The following ZDHHC3 variants were observed in gnomAD, a reference collection of about 807,000 sequenced individuals.
The protein encoded by ZDHHC3 is palmitoyltransferase ZDHHC3.
In ZDHHC3, 9 loss-of-function variants were observed where a neutral mutation model predicts 30.6. The ratio of observed to expected loss-of-function variants is 0.29; its 90% CI spans 0.18 to 0.51. The LOEUF (loss-of-function observed/expected upper bound fraction) is 0.51, where lower values mean the gene tolerates loss of function less well. Among genes scored for constraint, ZDHHC3 ranks in the 20% least tolerant of loss-of-function variants. The pLI is 0.97. For missense variants in ZDHHC3, 246 were observed against 384.2 expected (o/e 0.64, Z 3.01); for synonymous variants, 136 against 140.2 (o/e 0.97, Z 0.21).
rs182861729 is a variant in ZDHHC3 at position 44,933,879 on chromosome 3, C to T, written c.528+9G>A. 2.5e-5 allele frequency: 41 copies of T among 1,613,964 alleles called. No homozygotes were observed. The East Asian group carries it at 9.1e-4, about 36-fold the overall frequency. ...TGGGGGGCAGGGCAGAATTTGCAAG[C>T]TGACTTACTGTAAACAGGACGAAGT... On this transcript the variant is annotated intron_variant, in intron 4 of 6. Coordinates refer to ENST00000424952, the MANE Select transcript of ZDHHC3 (RefSeq NM_001135179.2).
rs1183083034 is a variant in ZDHHC3 at position 44,924,742 on chromosome 3, T to C, written c.*1947A>G. The C allele has an allele frequency of 1.0e-6, 1 of 985,330 alleles. No homozygotes were observed. The highest frequency in any genetic ancestry group is 1.7e-5 in the African/African-American group (1 of 57,240). 61.0% of individuals were successfully genotyped at this position (985,330 alleles called of 1,614,324 possible). ...TCTAGTTATTTAATACAATAACACT[T>C]CTTTCATACACCTAACTGAGCTGTA... is the stretch of plus-strand genomic sequence containing the variant. On this transcript the variant is annotated 3_prime_UTR_variant, in exon 7 of 7. Coordinates refer to ENST00000424952, the MANE Select transcript of ZDHHC3 (RefSeq NM_001135179.2).
In ZDHHC3 at chr3:44,965,021, A is replaced by T. The variant is rs145150847; in HGVS notation, c.-24-5561T>A. On this transcript the variant is annotated intron_variant, in intron 1 of 6. Coordinates refer to ENST00000424952, the MANE Select transcript of ZDHHC3 (RefSeq NM_001135179.2). ...AGGGGAAACGGATCCACAGGCCCAG[A>T]GGTGTTCTGGAGCTCCCTAGTGCCA... Among the ~76,000 whole-genome samples, 47 of 152,198 alleles carry T rather than the reference A, an allele frequency of 3.1e-4. No homozygotes were observed. In the East Asian group the frequency reaches 8.3e-3, roughly 27 times the overall value.
Position 44,919,911 on chromosome 3 carries a change from T to G in ZDHHC3, c.*6778A>C. ...TACAAACTTGAACACTGAATTATAA[T>G]AATGCAAAGCTGGAAATGAGAAATG... On this transcript the variant is annotated 3_prime_UTR_variant, in exon 7 of 7. Coordinates refer to ENST00000424952, the MANE Select transcript of ZDHHC3 (RefSeq NM_001135179.2). 1 of 1,044,052 alleles carries G rather than the reference T, an allele frequency of 9.6e-7. No homozygotes were observed. The highest frequency in any genetic ancestry group is 4.8e-4 in the Middle Eastern group (1 of 2,088). 64.7% of individuals were successfully genotyped at this position (1,044,052 alleles called of 1,614,324 possible).
intron 2 of ZDHHC3, among the ~76,000 whole-genome samples, chr3:44,954,414 G>C (rs1180731124): frequency 1.3e-5 from 2 of 152,206 alleles, no homozygotes; most frequent in Non-Finnish European, 2.9e-5. Context: ...ATTCAGTACA[G>C]TAACACGTTG....
chr3:44,928,284 G>C (rs1201073536), intron 6 of ZDHHC3, among the ~76,000 whole-genome samples: 3 of 152,196 alleles, frequency 2.0e-5, no homozygotes, highest in Non-Finnish European at 4.4e-5. Flanking sequence ...CCGAATAATG[G>C]TGCTCTGGCA....
At chr3:44,964,546 A>C (rs1704766342) in intron 1 of ZDHHC3, among the ~76,000 whole-genome samples, 1 of 152,204 alleles carries the variant, frequency 6.6e-6, no homozygotes, top group African/African-American at 2.4e-5. Flanking sequence ...CTTCATAATG[A>C]GATGGGATTT....
chr3:44,923,775 C>T lies in ZDHHC3; in HGVS notation c.*2914G>A, dbSNP rs1030240245. 3.1e-6 allele frequency: 3 copies of T among 981,494 alleles called. No individual in the cohort carries two copies. The African/African-American group carries it at 5.3e-5, about 17-fold the overall frequency. 60.8% of individuals were successfully genotyped at this position (981,494 alleles called of 1,614,324 possible). On this transcript the variant is annotated 3_prime_UTR_variant, in exon 7 of 7. Transcript: ENST00000424952. ...CTCTAATTGTGCCACTGCATTCCAG[C>T]CTGGGTGACAGAGCAAGACCTTGTC...
Position 44,929,301 on chromosome 3 carries a change from C to T in ZDHHC3, c.741+5G>A, listed in dbSNP as rs1341716099. 2 of 1,613,472 alleles carry T rather than the reference C, an allele frequency of 1.2e-6. No individual in the cohort carries two copies. Among genetic ancestry groups the T allele is most frequent in the Non-Finnish European group, 1.7e-6 (2 of 1,179,736 alleles). ...TGGAAATGGTGGGCAGAGCCACCTG[C>T]TTACCGTCTCATCTGTGCAGATGGA... On this transcript the variant is annotated splice_donor_5th_base_variant and intron_variant, in intron 6 of 6. Coordinates refer to ENST00000424952, the MANE Select transcript of ZDHHC3 (RefSeq NM_001135179.2).
rs963902391 is a variant in ZDHHC3, at chr3:44,918,237, G to A, written c.*8452C>T. ...CCAGCTATAGCATAGCAGTGGCGGGGGGGGGGGCGGGGTGTCCACGGCATG... is the reference window on the plus strand; with the variant it reads ...CCAGCTATAGCATAGCAGTGGCGGGAGGGGGGGCGGGGTGTCCACGGCATG... On this transcript the variant is annotated 3_prime_UTR_variant, in exon 7 of 7. Coordinates refer to ENST00000424952, the MANE Select transcript of ZDHHC3 (RefSeq NM_001135179.2). 2.5e-6 allele frequency: 3 copies of A among 1,211,620 alleles called. No homozygotes were observed. Among genetic ancestry groups the A allele is most frequent in the African/African-American group, 1.6e-5 (1 of 61,660 alleles). The allele number at this position is 1,211,620 out of a possible 1,614,324, so 75.1% of individuals were successfully genotyped here. A position where few individuals can be genotyped will look rare whatever the true frequency, so the allele number is the denominator to read the frequency against.
In ZDHHC3 at chr3:44,916,248, C is replaced by T. The variant is rs903696915; in HGVS notation, c.*10441G>A. The T allele has an allele frequency of 3.9e-5, 6 of 152,170 alleles. No homozygotes were observed. Among genetic ancestry groups the T allele is most frequent in the African/African-American group, 1.2e-4 (5 of 41,432 alleles). 9.4% of individuals were successfully genotyped at this position (152,170 alleles called of 1,614,324 possible). On this transcript the variant is annotated 3_prime_UTR_variant, in exon 7 of 7. Coordinates refer to ENST00000424952, the MANE Select transcript of ZDHHC3 (RefSeq NM_001135179.2). Reference sequence around the variant, plus strand: ...GAGGTGGCTTTGTGAACACTGGGCCCTTTGAGCAATTAACCCCAGGCCCTA... The same window carrying T: ...GAGGTGGCTTTGTGAACACTGGGCCTTTTGAGCAATTAACCCCAGGCCCTA...
At chr3:44,966,439 C>G (rs900826332) in intron 1 of ZDHHC3, among the ~76,000 whole-genome samples, 1 of 152,218 alleles carries the variant, frequency 6.6e-6, no homozygotes, top group African/African-American at 2.4e-5. Flanking sequence ...TAAACAATCA[C>G]TTAAAATGTC....
chr3:44,947,587 T>C (rs2125874863), intron 2 of ZDHHC3, among the ~76,000 whole-genome samples: 1 of 152,322 alleles, frequency 6.6e-6, no homozygotes, highest in East Asian at 1.9e-4. Context: ...AGTAATATGG[T>C]GGTCTGTTTT....
chr3:44,921,569 GA>G lies in ZDHHC3; in HGVS notation c.*5119del. 1 of 985,444 alleles carries G rather than the reference GA, an allele frequency of 1.0e-6. No individual in the cohort carries two copies. The highest frequency in any genetic ancestry group is 1.2e-6 in the Non-Finnish European group (1 of 829,940). 61.0% of individuals were successfully genotyped at this position (985,444 alleles called of 1,614,324 possible). A position where few individuals can be genotyped will look rare whatever the true frequency, so the allele number is the denominator to read the frequency against. On this transcript the variant is annotated 3_prime_UTR_variant, in exon 7 of 7. Coordinates refer to ENST00000424952, the MANE Select transcript of ZDHHC3 (RefSeq NM_001135179.2). Reference sequence around the variant, plus strand: ...CTGGTTGCAAACCATGAATGGCTGTGACCAATGGTTTGAAAAGCACAGCTCC... The same window carrying G: ...CTGGTTGCAAACCATGAATGGCTGTGCCAATGGTTTGAAAAGCACAGCTCC...
chr3:44,966,960 C>A (rs1177649205), intron 1 of ZDHHC3, among the ~76,000 whole-genome samples: 2 of 152,196 alleles, frequency 1.3e-5, no homozygotes, highest in African/African-American at 4.8e-5. Context: ...TCCAGACAGG[C>A]AGAGTGAGCT....
At chr3:44,940,974 C>T (rs1007672269) in intron 3 of ZDHHC3, among the ~76,000 whole-genome samples, 5 of 152,194 alleles carry the variant, frequency 3.3e-5, no homozygotes, top group African/African-American at 4.8e-5. Context: ...TGTGCCTGCC[C>T]TGCTTGGGTG....
chr3:44,919,973 C>T lies in ZDHHC3; in HGVS notation c.*6716G>A. 1 of 1,126,028 alleles carries T rather than the reference C, an allele frequency of 8.9e-7. No individual in the cohort carries two copies. Among genetic ancestry groups the T allele is most frequent in the Non-Finnish European group, 1.1e-6 (1 of 905,548 alleles). 69.8% of individuals were successfully genotyped at this position (1,126,028 alleles called of 1,614,324 possible). A position where few individuals can be genotyped will look rare whatever the true frequency, so the allele number is the denominator to read the frequency against. On this transcript the variant is annotated 3_prime_UTR_variant, in exon 7 of 7. Transcript: ENST00000424952. ...TGGTTAAGCAAATGATTCTATAACA[C>T]TATGCAGCTAGAAAAGATGGTTTAA...
At position 44,933,858 on chromosome 3, in the gene ZDHHC3, G is replaced by A. The variant is rs116304050; in HGVS notation, c.528+30C>T. 1,212 of 1,596,504 alleles carry A rather than the reference G, an allele frequency of 7.6e-4. 4 individuals are homozygous for A. The highest frequency in any genetic ancestry group is 7.5e-3 in the African/African-American group (558 of 74,642). ...ACAAAGTGCTCCATTGCTTCATGGG[G>A]GGCAGGGCAGAATTTGCAAGCTGAC... On this transcript the variant is annotated intron_variant, in intron 4 of 6. Transcript: ENST00000424952.
Position 44,921,115 on chromosome 3 carries a change from C to A in ZDHHC3, c.*5574G>T. The A allele has an allele frequency of 1.0e-6, 1 of 985,414 alleles. No individual in the cohort carries two copies. Among genetic ancestry groups the A allele is most frequent in the Non-Finnish European group, 1.2e-6 (1 of 829,918 alleles). 61.0% of individuals were successfully genotyped at this position (985,414 alleles called of 1,614,324 possible). A position where few individuals can be genotyped will look rare whatever the true frequency, so the allele number is the denominator to read the frequency against. ...TCATAGTCGACACCAGAAGCTCTTGCAGGGTGTGTGATGGGCCTTTTGGCC... is the reference window on the plus strand; with the variant it reads ...TCATAGTCGACACCAGAAGCTCTTGAAGGGTGTGTGATGGGCCTTTTGGCC... On this transcript the variant is annotated 3_prime_UTR_variant, in exon 7 of 7. Coordinates refer to ENST00000424952, the MANE Select transcript of ZDHHC3 (RefSeq NM_001135179.2).
intron 2 of ZDHHC3, among the ~76,000 whole-genome samples, chr3:44,955,525 C>A (rs1312522251): frequency 6.6e-6 from 1 of 150,426 alleles, no homozygotes; most frequent in African/African-American, 2.4e-5. Context: ...CAAAGTGATA[C>A]ACAATGCATA....
Sources: gnomAD v4.1 joint callset for allele counts (sites outside exome capture counted in the v4.1 genomes callset) on GRCh38, gnomAD v4.1.1 for gene constraint, MANE v1.5 for transcripts, NCBI Gene and HGNC (gene_info 2026-07-23, HGNC 2026-07-21) for gene names.